Variants in DLC1 observed in about 807,000 individuals in gnomAD.
DLC1 encodes DLC1 Rho GTPase activating protein, also known as rho GTPase-activating protein 7.
In DLC1, 54 loss-of-function variants were observed where a neutral mutation model predicts 140.3. That is an observed-to-expected ratio of 0.38 (90% CI 0.31 to 0.48). The LOEUF is 0.48. DLC1 is among the 20% of genes least tolerant of loss of function. The probability of loss-of-function intolerance (pLI) is 0.96; values close to 1 mark genes in which losing one functional copy is unlikely to be tolerated. For missense variants in DLC1, 2,536 were observed against 1,907.0 expected (o/e 1.33, Z -6.14); for synonymous variants, 986 against 728.1 (o/e 1.35, Z -5.70).
At chr8:13,437,732 A>G (rs933383159) in intron 2 of DLC1, among the ~76,000 whole-genome samples, 1 of 152,152 alleles carries the variant, frequency 6.6e-6, no homozygotes, top group African/African-American at 2.4e-5. Flanking sequence ...CTGGCTGCAG[A>G]TGATGTGTTT....
At position 13,249,374 on chromosome 8, in the gene DLC1, G is replaced by A. The variant is rs571236622; in HGVS notation, c.1348+55895C>T. On this transcript the variant is annotated intron_variant, in intron 5 of 17. Coordinates refer to ENST00000276297, the MANE Select transcript of DLC1 (RefSeq NM_182643.3). ...ATTACAAGTGTGAGCCACCACGTCC[G>A]GCCACCCTGACTCATTTTCAGCAGA... Among the ~76,000 whole-genome samples, 84 of 152,154 alleles carry A rather than the reference G, an allele frequency of 5.5e-4. 1 individual carries two copies. The highest frequency in any genetic ancestry group is 6.8e-3 in the Middle Eastern group (2 of 294).
intron 5 of DLC1, among the ~76,000 whole-genome samples, chr8:13,164,089 G>C (rs1301081437): frequency 6.6e-6 from 1 of 152,120 alleles, no homozygotes; most frequent in Non-Finnish European, 1.5e-5. Flanking sequence ...CTGAGGTCAG[G>C]AGTTTGAGAC....
chr8:13,442,317 C>G (rs1412798334), intron 2 of DLC1, among the ~76,000 whole-genome samples: 1 of 152,146 alleles, frequency 6.6e-6, no homozygotes, highest in East Asian at 1.9e-4. Flanking sequence ...GTCTAAAACA[C>G]CAAAAGCAAT....
Position 13,579,337 on chromosome 8 carries a change from A to T in DLC1, c.-126+25200T>A, listed in dbSNP as rs1429024928. On this transcript the variant is annotated intron_variant, in intron 1 of 1. Coordinates refer to the DLC1 transcript ENST00000631382. ...ACTTTATATATATATATATATATAT[A>T]TATATATATATATATATATATATAT... is the stretch of plus-strand genomic sequence containing the variant. Among the ~76,000 whole-genome samples the T allele has an allele frequency of 1.1e-3, 22 of 20,392 alleles. 2 individuals carry two copies. The highest frequency in any genetic ancestry group is 2.5e-3 in the South Asian group (2 of 788). The allele number at this position is 20,392 out of a possible 152,430, so 13.4% of individuals were successfully genotyped here.
intron 4 of DLC1, among the ~76,000 whole-genome samples, chr8:13,370,436 T>C (rs1835677887): frequency 6.6e-6 from 1 of 152,140 alleles, no homozygotes; most frequent in Admixed American, 6.5e-5. Context: ...GCCACTTGTG[T>C]GCTCATCTCA....
intron 5 of DLC1, among the ~76,000 whole-genome samples, chr8:13,300,282 G>C (rs1181413268): frequency 6.6e-6 from 1 of 152,068 alleles, no homozygotes; most frequent in Non-Finnish European, 1.5e-5. Flanking sequence ...GCCTTTTTTG[G>C]GGAGGATGGT....
At chr8:13,576,588 G>C (rs932331743) in intron 1 of DLC1, among the ~76,000 whole-genome samples, 1 of 152,012 alleles carries the variant, frequency 6.6e-6, no homozygotes, top group African/African-American at 2.4e-5. Flanking sequence ...CTTACAGATA[G>C]AGAAGTCTTC....
In DLC1 at chr8:13,084,757, C is replaced by G. The variant is rs903759695; in HGVS notation, c.*1054G>C. 6.6e-6 allele frequency: 1 copy of G among 152,074 alleles called. No homozygotes were observed. The highest frequency in any genetic ancestry group is 2.4e-5 in the African/African-American group (1 of 41,406). 9.4% of individuals were successfully genotyped at this position (152,074 alleles called of 1,614,324 possible). ...TTAACAACCAAAGGCGGGGAAAAAG[C>G]CTTTTGTAGGTGAGTTAAATTTACA... On this transcript the variant is annotated 3_prime_UTR_variant, in exon 18 of 18. Transcript: ENST00000276297.
chr8:13,575,507 T>C (rs1053337781), intron 1 of DLC1, among the ~76,000 whole-genome samples: 1 of 146,186 alleles, frequency 6.8e-6, no homozygotes, highest in Non-Finnish European at 1.5e-5. Flanking sequence ...CCACACCAAA[T>C]AAGGGAGCAT....
intron 5 of DLC1, among the ~76,000 whole-genome samples, chr8:13,289,261 G>T (rs942739795): frequency 3.3e-5 from 5 of 152,016 alleles, no homozygotes; most frequent in Non-Finnish European, 7.4e-5. Context: ...GCATGCAGTG[G>T]TGTGATCATA....
At chr8:13,545,216 C>G (rs940303063) in intron 1 of DLC1, among the ~76,000 whole-genome samples, 2 of 151,216 alleles carry the variant, frequency 1.3e-5, no homozygotes, top group East Asian at 3.9e-4. Context: ...TTAATATGAA[C>G]AAAACATGGA....
At chr8:13,126,091 G>C (rs968048339) in intron 5 of DLC1, among the ~76,000 whole-genome samples, 12 of 152,018 alleles carry the variant, frequency 7.9e-5, no homozygotes, top group Non-Finnish European at 1.5e-5. Flanking sequence ...CTCTTCCCTG[G>C]CAAAGGCAAC....
chr8:13,498,751 C>G (rs1316794335), intron 2 of DLC1: 2 of 266,824 alleles, frequency 7.5e-6, no homozygotes, highest in South Asian at 1.0e-4. Context: ...TATGAGCTAT[C>G]TAGTGGCTAT....
intron 2 of DLC1, among the ~76,000 whole-genome samples, chr8:13,454,774 A>G (rs1799312943): frequency 6.6e-6 from 1 of 152,090 alleles, no homozygotes; most frequent in Admixed American, 6.6e-5. Context: ...GGCTGGTCTC[A>G]AACTCCTGTC....
intron 5 of DLC1, among the ~76,000 whole-genome samples, chr8:13,157,308 G>A (rs574018349): frequency 1.3e-5 from 2 of 152,284 alleles, no homozygotes; most frequent in East Asian, 1.9e-4. Context: ...GAGTAGGCGG[G>A]GTTAGAGAAA....
chr8:13,371,921 G>T (rs1835748520), intron 4 of DLC1, among the ~76,000 whole-genome samples: 1 of 152,126 alleles, frequency 6.6e-6, no homozygotes, highest in Non-Finnish European at 1.5e-5. Context: ...GCATTTGAAA[G>T]GATGTTCACT....
At position 13,401,604 on chromosome 8, in the gene DLC1, G is replaced by A. The variant is rs373651244; in HGVS notation, c.1039C>T (p.Arg347Ter). 15 of 1,613,150 alleles carry A rather than the reference G, an allele frequency of 9.3e-6. No homozygotes were observed. Among genetic ancestry groups the A allele is most frequent in the South Asian group, 3.3e-5 (3 of 90,928 alleles). The change falls in exon 3 of 18, where the codon CGA becomes TGA. Residue 347 changes from arginine to a stop codon, truncating the protein, a stop_gained. Transcript: ENST00000276297. LOFTEE classifies it high-confidence loss of function. ...LRKRKEIRED[R>*]DRARLDSMVL... ...ATGGAGTCCAGCCGCGCCCTATCTC[G>A]ATCTTCTCTTATTTCCTGAGGAACA...
At chr8:13,239,440 G>A (rs1295843936) in intron 5 of DLC1, among the ~76,000 whole-genome samples, 1 of 152,088 alleles carries the variant, frequency 6.6e-6, no homozygotes, top group Admixed American at 6.6e-5. Context: ...AGGCAAGCCT[G>A]GACTAGGGTT....
At chr8:13,599,721 T>C (rs905562887) in intron 1 of DLC1, among the ~76,000 whole-genome samples, 6 of 151,986 alleles carry the variant, frequency 3.9e-5, no homozygotes, top group Non-Finnish European at 8.8e-5. Context: ...TGATGTCAAC[T>C]CTATCCAAAT....
Sources: gnomAD v4.1 joint callset for allele counts (sites outside exome capture counted in the v4.1 genomes callset) on GRCh38, gnomAD v4.1.1 for gene constraint, MANE v1.5 for transcripts, NCBI Gene and HGNC (gene_info 2026-07-23, HGNC 2026-07-21) for gene names.